The following CTBP2 variants were observed in gnomAD, a reference collection of about 807,000 sequenced individuals.
The protein encoded by CTBP2 is C-terminal binding protein 2, also known as C-terminal-binding protein 2.
CTBP2 carries 30 observed loss-of-function variants against 80.3 expected under a neutral mutation model. That is an observed-to-expected ratio of 0.37 (90% CI 0.28 to 0.51). The LOEUF (loss-of-function observed/expected upper bound fraction) is 0.51, where lower values mean the gene tolerates loss of function less well. Ranked by LOEUF, CTBP2 falls within the 20% of genes least tolerant of loss-of-function variation. The pLI is 0.93. For synonymous variants in CTBP2, 594 were observed against 587.4 expected (o/e 1.01, Z -0.16); for missense variants, 1,212 against 1,375.3 (o/e 0.88, Z 1.88).
At chr10:125,003,139 C>T in intron 2 of CTBP2, 35 bp from the exon 5 acceptor site, 2 of 1,611,860 alleles carry the variant, frequency 1.2e-6, no homozygotes, top group African/African-American at 1.3e-5. Flanking sequence ...CGGAGCCCCA[C>T]CCCGTGCAGC....
rs543843584 is a variant in CTBP2 at position 125,104,223 on chromosome 10, C to G, written c.-102+6767G>C. ...TGGAGAAAGGACGGAACAGGAGGAC[C>G]CTGTGCGGGCGCCATTGTTGTTCAT... is the stretch of plus-strand genomic sequence containing the variant. On this transcript the variant is annotated intron_variant, in intron 2 of 10. Coordinates refer to the CTBP2 transcript ENST00000337195. 9.8e-4 allele frequency among the ~76,000 whole-genome samples: 149 copies of G among 152,244 alleles called. 1 individual carries two copies. Among genetic ancestry groups the G allele is most frequent in the Admixed American group, 1.5e-3 (23 of 15,286 alleles).
In CTBP2 at chr10:124,987,354, G is replaced by A. The variant is rs1952077598; in HGVS notation, c.*2164C>T. The A allele has an allele frequency of 6.8e-6, 1 of 147,366 alleles. No individual in the cohort carries two copies. The highest frequency in any genetic ancestry group is 1.5e-5 in the Non-Finnish European group (1 of 67,322). 9.1% of individuals were successfully genotyped at this position (147,366 alleles called of 1,614,324 possible). On this transcript the variant is annotated 3_prime_UTR_variant, in exon 9 of 9. Coordinates refer to ENST00000309035, the MANE Select transcript of CTBP2 (RefSeq NM_022802.3). ...TTTGTTTTGACTTGTTCTTCCTTGGGGTCAAATTTATATATATATATATAA... is the reference window on the plus strand; with the variant it reads ...TTTGTTTTGACTTGTTCTTCCTTGGAGTCAAATTTATATATATATATATAA...
rs376501081 is a variant in CTBP2 at position 125,072,129 on chromosome 10, T to C, written c.-101-32974A>G. On this transcript the variant is annotated intron_variant, in intron 2 of 10. Coordinates refer to the CTBP2 transcript ENST00000337195. ...GAGTTCGAGACCAGCCTGGCCAATA[T>C]GGTGAAACCCCATCTCTACTAAAAA... is the stretch of plus-strand genomic sequence containing the variant. 4.7e-4 allele frequency among the ~76,000 whole-genome samples: 72 copies of C among 152,248 alleles called. No individual in the cohort carries two copies. In the South Asian group the frequency reaches 0.014, roughly 30 times the overall value.
At chr10:125,084,640 C>T (rs1002200235) in intron 2 of CTBP2, among the ~76,000 whole-genome samples, 3 of 152,180 alleles carry the variant, frequency 2.0e-5, no homozygotes, top group Non-Finnish European at 1.5e-5. Flanking sequence ...GGTTTCCAGA[C>T]CAGTGAAGCA....
At chr10:125,040,337 C>A (rs1220685279) in intron 2 of CTBP2, among the ~76,000 whole-genome samples, 1 of 151,676 alleles carries the variant, frequency 6.6e-6, no homozygotes, top group African/African-American at 2.4e-5. Flanking sequence ...CACCTGTAAT[C>A]CCAGCTACTT....
At chr10:125,126,596 G>A (rs1238763672) in intron 1 of CTBP2, among the ~76,000 whole-genome samples, 2 of 152,234 alleles carry the variant, frequency 1.3e-5, no homozygotes, top group African/African-American at 4.8e-5. Context: ...ATCAGGACAA[G>A]CCACGTACTT....
In CTBP2 at chr10:125,027,480, T is replaced by C. The variant is rs1957760691; in HGVS notation, c.280A>G (p.Ser94Gly). The stretch of plus-strand genomic sequence containing the variant: ...CGACCAGACATCACTGCCTGTCTGC[T>C]GTCGTAGAAGGTGAAGTCAGGAGTA... The change falls in exon 1 of 9, where the codon AGC becomes GGC. Residue 94 changes from serine (S) to glycine (G), a missense_variant. By Grantham distance (56) the Ser-to-Gly change is moderately conservative (BLOSUM62 0). Coordinates refer to ENST00000309035, the MANE Select transcript of CTBP2 (RefSeq NM_022802.3). 1 of 1,614,192 alleles carries C rather than the reference T, an allele frequency of 6.2e-7. No homozygotes were observed. Among genetic ancestry groups the C allele is most frequent in the South Asian group, 1.1e-5 (1 of 91,090 alleles).
intron 2 of CTBP2, among the ~76,000 whole-genome samples, chr10:125,089,533 T>C (rs1848472040): frequency 6.6e-6 from 1 of 152,024 alleles, no homozygotes; most frequent in Admixed American, 6.6e-5. Context: ...GTTTGGGCTG[T>C]TTCTCTTTCT....
At chr10:125,008,464 C>T (rs1180325480) in intron 1 of CTBP2, among the ~76,000 whole-genome samples, 2 of 152,234 alleles carry the variant, frequency 1.3e-5, no homozygotes, top group Non-Finnish European at 2.9e-5. Flanking sequence ...TGAGAAGAAC[C>T]GCTGCTCAGA....
intron 1 of CTBP2, among the ~76,000 whole-genome samples, chr10:125,154,924 A>G (rs1860652678): frequency 1.3e-5 from 2 of 152,230 alleles, no homozygotes; most frequent in South Asian, 2.1e-4. Flanking sequence ...TAATGCTACC[A>G]ACAGATTAAA....
At chr10:124,997,145 G>C (rs1011947577) in intron 4 of CTBP2, 7 of 152,218 alleles carry the variant, frequency 4.6e-5, no homozygotes, top group South Asian at 2.1e-4. Context: ...TACTGGCCCC[G>C]TGTGCACATG....
chr10:125,028,560 C>T (rs1224522584), upstream of CTBP2, among the ~76,000 whole-genome samples: 1 of 152,200 alleles, frequency 6.6e-6, no homozygotes. Flanking sequence ...GTGAATCAAA[C>T]AGGTTTCCGA....
At chr10:124,994,128 G>A (rs548203435) in intron 5 of CTBP2, 143 bp from the exon 8 acceptor site, 113 of 1,167,832 alleles carry the variant, frequency 9.7e-5, no homozygotes, top group Non-Finnish European at 1.3e-4. Flanking sequence ...GAAGGGAGTG[G>A]GAAGTGTTGG....
intron 3 of CTBP2, 101 bp from the exon 6 acceptor site, chr10:124,998,271 C>T (rs1953931366): frequency 1.5e-6 from 2 of 1,323,888 alleles, no homozygotes; most frequent in Non-Finnish European, 2.1e-6. Context: ...GTTGTTGGCA[C>T]CGGGGGAGGC....
At chr10:125,127,064 G>GA (rs565099241) in intron 1 of CTBP2, among the ~76,000 whole-genome samples, 105 of 152,254 alleles carry the variant, frequency 6.9e-4, no homozygotes, top group African/African-American at 2.4e-3. Flanking sequence ...GTTCAAACAA[G>GA]AAACAGCCGA....
At chr10:125,063,291 A>G (rs1008347680) in intron 2 of CTBP2, among the ~76,000 whole-genome samples, 3 of 152,322 alleles carry the variant, frequency 2.0e-5, no homozygotes, top group African/African-American at 7.2e-5. Flanking sequence ...CTGGTGGGGA[A>G]AAACATCATA....
At chr10:125,019,843 G>GA (rs1222502018) in intron 1 of CTBP2, among the ~76,000 whole-genome samples, 3 of 152,156 alleles carry the variant, frequency 2.0e-5, no homozygotes, top group Non-Finnish European at 2.9e-5. Context: ...TCAAGAAATT[G>GA]AAAAAACAAC....
intron 2 of CTBP2, among the ~76,000 whole-genome samples, chr10:125,077,488 C>T (rs923853622): frequency 6.6e-6 from 1 of 152,124 alleles, no homozygotes; most frequent in Non-Finnish European, 1.5e-5. Flanking sequence ...CTCCAAACTC[C>T]CCGGGCTCGC....
intron 2 of CTBP2, among the ~76,000 whole-genome samples, chr10:125,044,801 A>G (rs192413173): frequency 2.0e-5 from 3 of 152,220 alleles, no homozygotes; most frequent in African/African-American, 7.2e-5. Flanking sequence ...ATATAACAAA[A>G]TAAACGTCCT....
Sources: gnomAD v4.1 joint callset for allele counts (sites outside exome capture counted in the v4.1 genomes callset) on GRCh38, gnomAD v4.1.1 for gene constraint, MANE v1.5 for transcripts, NCBI Gene and HGNC (gene_info 2026-07-23, HGNC 2026-07-21) for gene names.